The following ATP7A variants were observed in gnomAD, a reference collection of about 807,000 sequenced individuals.
The protein encoded by ATP7A is copper-transporting ATPase 1.
A neutral mutation model predicts 83.5 loss-of-function variants in ATP7A; 7 were observed. The ratio of observed to expected loss-of-function variants is 0.08; its 90% CI spans 0.05 to 0.16. ATP7A has a LOEUF of 0.16. ATP7A is among the 10% of genes least tolerant of loss of function. ATP7A has a pLI of 1.00. For missense variants in ATP7A, 940 were observed against 1,120.8 expected (o/e 0.84, Z 2.30); for synonymous variants, 354 against 395.2 (o/e 0.90, Z 1.24).
chrX:78,033,942 C>A, intron 17 of ATP7A, 121 bp downstream of exon 17: 2 of 653,212 alleles, frequency 3.1e-6, no homozygotes, highest in South Asian at 4.8e-5. Flanking sequence ...TTCCTCAAGT[C>A]AATACCCTAT....
chrX:78,032,434 C>A (rs1363230536), intron 16 of ATP7A, among the ~76,000 whole-genome samples: 1 of 111,793 alleles, frequency 8.9e-6, no homozygotes, highest in Non-Finnish European at 1.9e-5. Context: ...GGGGTTATAC[C>A]AATTTATACC....
chrX:78,045,277 G>A (rs2078076158), intron 21 of ATP7A, among the ~76,000 whole-genome samples, 193 bp from the exon 22 acceptor site: 2 of 111,446 alleles, frequency 1.8e-5, no homozygotes, highest in African/African-American at 6.5e-5. Context: ...ACATGGACAC[G>A]GGGAGACATG....
chrX:77,971,068 C>T (rs1199748219), intron 1 of ATP7A, among the ~76,000 whole-genome samples: 3 of 111,606 alleles, frequency 2.7e-5, no homozygotes, highest in South Asian at 3.8e-4. Context: ...AGAAGAAAGT[C>T]CCAAAGCAAG....
intron 2 of ATP7A, 30 bp from the exon 3 acceptor site, chrX:77,988,212 A>C: frequency 8.4e-7 from 1 of 1,188,372 alleles, no homozygotes; most frequent in Non-Finnish European, 1.1e-6. Context: ...GAATTTAATT[A>C]AACTGACTTT....
intron 1 of ATP7A, among the ~76,000 whole-genome samples, chrX:77,955,676 A>C (rs1374998934): frequency 1.8e-5 from 2 of 110,929 alleles, no homozygotes; most frequent in African/African-American, 6.6e-5. Flanking sequence ...TCATCCAGCT[A>C]TTTTGTAATG....
intron 1 of ATP7A, among the ~76,000 whole-genome samples, chrX:77,914,326 C>T (rs1557222273): frequency 9.0e-6 from 1 of 110,949 alleles, no homozygotes; most frequent in African/African-American, 3.3e-5. Context: ...TCATAACTCA[C>T]TGCAGTCTCG....
At chrX:78,023,520 T>C (rs782670476) in intron 14 of ATP7A, among the ~76,000 whole-genome samples, 1 of 111,995 alleles carries the variant, frequency 8.9e-6, no homozygotes, top group Non-Finnish European at 1.9e-5. Flanking sequence ...GGGTATTTCA[T>C]TGTGGTTTTA....
intron 1 of ATP7A, among the ~76,000 whole-genome samples, chrX:77,938,586 G>A (rs782145925): frequency 1.8e-5 from 2 of 112,403 alleles, no homozygotes; most frequent in South Asian, 3.6e-4. Context: ...ACCAAAGTGG[G>A]ATTTGAACTT....
At chrX:78,036,864 G>C (rs552125458) in intron 17 of ATP7A, among the ~76,000 whole-genome samples, 164 of 111,697 alleles carry the variant, frequency 1.5e-3, no homozygotes, top group Middle Eastern at 9.3e-3. Context: ...TAATCGAGGT[G>C]AAACATAATG....
intron 5 of ATP7A, among the ~76,000 whole-genome samples, chrX:77,999,682 T>C (rs2149088400): frequency 9.0e-6 from 1 of 111,182 alleles, no homozygotes; most frequent in East Asian, 2.9e-4. Flanking sequence ...GGTGGGCGGA[T>C]CGCCTGAGGT....
At chrX:77,968,990 C>A (rs376654190) in intron 1 of ATP7A, 10 of 1,209,631 alleles carry the variant, frequency 8.3e-6, no homozygotes, top group Non-Finnish European at 1.1e-5. Context: ...AATTCATAGA[C>A]GATGGGAATA....
chrX:78,044,071 A>T (rs1557238781), intron 21 of ATP7A, among the ~76,000 whole-genome samples: 1 of 106,664 alleles, frequency 9.4e-6, no homozygotes, highest in African/African-American at 3.4e-5. Context: ...CCTGACCAAC[A>T]TGGAGAAACC....
chrX:77,956,348 T>C (rs1003336269), intron 1 of ATP7A, among the ~76,000 whole-genome samples: 5 of 112,067 alleles, frequency 4.5e-5, no homozygotes, highest in Non-Finnish European at 7.5e-5. Context: ...AGTTGGTATC[T>C]CCTTGTGGTT....
At chrX:77,937,445 C>G (rs2077325883) in intron 1 of ATP7A, among the ~76,000 whole-genome samples, 1 of 112,126 alleles carries the variant, frequency 8.9e-6, no homozygotes, top group African/African-American at 3.2e-5. Flanking sequence ...CTCAGCAATC[C>G]TACTTCTAGA....
chrX:78,010,360 A>G (rs1375707800), intron 7 of ATP7A, among the ~76,000 whole-genome samples: 1 of 111,971 alleles, frequency 8.9e-6, no homozygotes, highest in Non-Finnish European at 1.9e-5. Context: ...TGCACTGCCA[A>G]CAAATGTAAG....
At chrX:77,971,895 GC>G (rs2077549738) in intron 2 of ATP7A, 134 bp downstream of exon 2, 15 of 750,299 alleles carry the variant, frequency 2.0e-5, no homozygotes, top group Non-Finnish European at 2.8e-5. Context: ...TTATCTTGAA[GC>G]TAAATAAGTT....
At position 78,046,369 on chromosome X, in the gene ATP7A, C is replaced by T; in HGVS notation, c.4302C>T (p.Ile1434=). Residue 1434 remains isoleucine, a synonymous_variant, in exon 23 of 23, where the codon ATC becomes ATT. Transcript: ENST00000341514. ...TAGGACAGAAGAGTCCTTCAGAAAT[C>T]AGCGTTCATGTTGGAATAGATGATA... ...SQIGQKSPSE[I]SVHVGIDDTS... is the part of the protein sequence containing the mutation. 1 of 1,211,125 alleles carries T rather than the reference C, an allele frequency of 8.3e-7. No individual in the cohort carries two copies. The highest frequency in any genetic ancestry group is 1.1e-6 in the Non-Finnish European group (1 of 894,855).
intron 15 of ATP7A, among the ~76,000 whole-genome samples, chrX:78,030,270 A>G (rs1402013028): frequency 9.0e-6 from 1 of 111,290 alleles, no homozygotes; most frequent in Admixed American, 9.5e-5. Flanking sequence ...CTAAAAATAC[A>G]AAAATTAGCT....
At chrX:77,960,030 C>T (rs1450421584) in intron 1 of ATP7A, among the ~76,000 whole-genome samples, 3 of 112,183 alleles carry the variant, frequency 2.7e-5, no homozygotes, top group Admixed American at 9.5e-5. Context: ...GATGGAGGTA[C>T]ATTATATTCC....
Sources: gnomAD v4.1 joint callset for allele counts (sites outside exome capture counted in the v4.1 genomes callset) on GRCh38, gnomAD v4.1.1 for gene constraint, MANE v1.5 for transcripts, NCBI Gene and HGNC (gene_info 2026-07-23, HGNC 2026-07-21) for gene names.